The following PLEKHB1 variants were observed in gnomAD, a reference collection of about 807,000 sequenced individuals.
The protein encoded by PLEKHB1 is pleckstrin homology domain-containing family B member 1.
In PLEKHB1, 29 loss-of-function variants were observed where a neutral mutation model predicts 36.2. That is an observed-to-expected ratio of 0.80 (90% CI 0.60 to 1.09). PLEKHB1 has a LOEUF of 1.09. Ranked by LOEUF, PLEKHB1 falls within the 50% of genes least tolerant of loss-of-function variation. PLEKHB1 has a pLI of 0.00. For synonymous variants in PLEKHB1, 138 were observed against 140.0 expected (o/e 0.99, Z 0.10); for missense variants, 330 against 348.2 (o/e 0.95, Z 0.42).
At position 73,651,828 on chromosome 11, in the gene PLEKHB1, G is replaced by A; in HGVS notation, c.288G>A (p.Leu96=). 1 of 1,613,760 alleles carries A rather than the reference G, an allele frequency of 6.2e-7. No homozygotes were observed. The highest frequency in any genetic ancestry group is 8.5e-7 in the Non-Finnish European group (1 of 1,179,892). Reference sequence around the variant, plus strand: ...AGGGCCGGAGCCGAGATGGCCTGCTGACTGTGAACCTACGGGAAGGCGGCC... The same window carrying A: ...AGGGCCGGAGCCGAGATGGCCTGCTAACTGTGAACCTACGGGAAGGCGGCC... ...PPEGRSRDGL[L]TVNLREGGRL... is the part of the protein sequence containing the mutation. Residue 96 remains leucine (L), a synonymous_variant, in exon 4 of 8, where the codon CTG becomes CTA. Transcript: ENST00000354190.
In PLEKHB1 at chr11:73,656,053, C is replaced by G. The variant is rs1054577347; in HGVS notation, c.495+146C>G. 71 of 698,232 alleles carry G rather than the reference C, an allele frequency of 1.0e-4. 1 individual carries two copies. The African/African-American group carries it at 1.1e-3, about 11-fold the overall frequency. 43.3% of individuals were successfully genotyped at this position (698,232 alleles called of 1,614,324 possible). A position where few individuals can be genotyped will look rare whatever the true frequency, so the allele number is the denominator to read the frequency against. ...CACAAACCAGCTGCTCTGCTGTACCCTCTGTCCCCAGCCACACCAGACCTT... is the reference window on the plus strand; with the variant it reads ...CACAAACCAGCTGCTCTGCTGTACCGTCTGTCCCCAGCCACACCAGACCTT... On this transcript the variant is annotated intron_variant, in intron 6 of 7. Coordinates refer to ENST00000354190, the MANE Select transcript of PLEKHB1 (RefSeq NM_021200.3).
chr11:73,650,717 C>T lies in PLEKHB1; in HGVS notation c.247+12C>T. 1 of 1,590,608 alleles carries T rather than the reference C, an allele frequency of 6.3e-7. No homozygotes were observed. Among genetic ancestry groups the T allele is most frequent in the Non-Finnish European group, 8.6e-7 (1 of 1,168,100 alleles). On this transcript the variant is annotated intron_variant, in intron 3 of 7. Transcript: ENST00000354190. ...CCCAGAGTGCCATGGTGAGCAGAAG[C>T]CCCTTCCTCTGTGGCACCGTGACTG...
intron 3 of PLEKHB1, chr11:73,651,535 T>A: frequency 1.6e-6 from 1 of 635,032 alleles, no homozygotes; most frequent in Non-Finnish European, 2.9e-6. Flanking sequence ...ATCTCCACAT[T>A]CCTCCACCAA....
chr11:73,650,025 GACCC>G (rs1315210095), intron 2 of PLEKHB1, among the ~76,000 whole-genome samples: 1 of 152,102 alleles, frequency 6.6e-6, no homozygotes, highest in East Asian at 1.9e-4. Context: ...AACATGGTGA[GACCC>G]ACTGTCTCCA....
chr11:73,660,958 G>C, intron 7 of PLEKHB1, 106 bp downstream of exon 7: 1 of 1,063,212 alleles, frequency 9.4e-7, no homozygotes, highest in Non-Finnish European at 1.4e-6. Context: ...CTTTTAGCGT[G>C]CACGGATTTT....
At chr11:73,651,629 G>T in intron 3 of PLEKHB1, 159 bp from the exon 4 acceptor site, 1 of 672,214 alleles carries the variant, frequency 1.5e-6, no homozygotes, top group Non-Finnish European at 2.7e-6. Context: ...GGTTGGAAAC[G>T]TAGAGTGGAA....
At position 73,655,796 on chromosome 11, in the gene PLEKHB1, T is replaced by G; in HGVS notation, c.391-7T>G. 1 of 1,613,204 alleles carries G rather than the reference T, an allele frequency of 6.2e-7. No individual in the cohort carries two copies. The highest frequency in any genetic ancestry group is 1.3e-5 in the African/African-American group (1 of 74,998). ...TCCTCCTTCTTGGGTTTCTGTGGCT[T>G]GAGCAGGCCCCAGCTGGAGCCACCG... On this transcript the variant is annotated splice_region_variant and splice_polypyrimidine_tract_variant and intron_variant, in intron 5 of 7. Coordinates refer to ENST00000354190, the MANE Select transcript of PLEKHB1 (RefSeq NM_021200.3).
chr11:73,661,635 T>C lies in PLEKHB1; in HGVS notation c.*33T>C. 4 of 1,539,186 alleles carry C rather than the reference T, an allele frequency of 2.6e-6. No homozygotes were observed. In the South Asian group the frequency reaches 5.0e-5, roughly 19 times the overall value. On this transcript the variant is annotated 3_prime_UTR_variant, in exon 8 of 8. Transcript: ENST00000354190. This position sits in a 1 kb window ranked among gnomAD's most constrained non-coding sequence, Gnocchi z 4.6. The stretch of plus-strand genomic sequence containing the variant: ...GACTCGGAGCACTGACCCCTGCGCT[T>C]GGATTGCTAGACTCCTCTTCCTCCT...
chr11:73,655,988 C>A, intron 6 of PLEKHB1, 81 bp downstream of exon 6: 1 of 1,201,340 alleles, frequency 8.3e-7, no homozygotes, highest in Non-Finnish European at 1.2e-6. Flanking sequence ...CCATCCCTTC[C>A]CTGTGACAAA....
At chr11:73,652,565 TGTCCC>T (rs932949684) in intron 4 of PLEKHB1, 87 of 169,970 alleles carry the variant, frequency 5.1e-4, no homozygotes, top group African/African-American at 2.0e-3. Flanking sequence ...AAGGCCCCAT[TGTCCC>T]GTGTCTGCTG....
At position 73,660,776 on chromosome 11, in the gene PLEKHB1, AG is replaced by A. The variant is rs1945091415; in HGVS notation, c.520del (p.Asp174ThrfsTer29). ...IWVRVYSPYQ[D>X]YYEVVPPNAH... ...AGGTGCGCGTCTACAGCCCGTACCA[AG>A]ACTACTACGAGGTGGTGCCCCCCAA... is the stretch of plus-strand genomic sequence containing the variant. On this transcript the variant is annotated frameshift_variant, in exon 7 of 8. Coordinates refer to ENST00000354190, the MANE Select transcript of PLEKHB1 (RefSeq NM_021200.3). LOFTEE classifies it high-confidence loss of function. 1 of 1,600,076 alleles carries A rather than the reference AG, an allele frequency of 6.2e-7. No individual in the cohort carries two copies. Among genetic ancestry groups the A allele is most frequent in the Non-Finnish European group, 8.5e-7 (1 of 1,174,542 alleles).
chr11:73,651,013 T>A (rs2134802528), intron 3 of PLEKHB1, among the ~76,000 whole-genome samples: 1 of 147,806 alleles, frequency 6.8e-6, no homozygotes, highest in African/African-American at 2.5e-5. Context: ...AAAAAAAAAA[T>A]TGGTGAGATG....
rs991054306 is a variant in PLEKHB1, at chr11:73,661,367, G to A, written c.596-99G>A. 4 of 1,387,018 alleles carry A rather than the reference G, an allele frequency of 2.9e-6. No homozygotes were observed. The highest frequency in any genetic ancestry group is 1.4e-5 in the African/African-American group (1 of 69,878). 85.9% of individuals were successfully genotyped at this position (1,387,018 alleles called of 1,614,324 possible). The stretch of plus-strand genomic sequence containing the variant: ...TGGGGAGCAGGAGAGTGGGTTCGGC[G>A]CCTTACACTGGGTTGGGCTGGAGTG... On this transcript the variant is annotated intron_variant, in intron 7 of 7. Transcript: ENST00000354190. The surrounding 1 kb of genome is among the most constrained non-coding windows in gnomAD (Gnocchi z 4.6).
chr11:73,651,691 G>A (rs1011990012), intron 3 of PLEKHB1, 97 bp from the exon 4 acceptor site: 4 of 943,666 alleles, frequency 4.2e-6, no homozygotes, highest in Non-Finnish European at 6.6e-6. Context: ...CCAGTAAACA[G>A]AGCCCAGAGA....
intron 4 of PLEKHB1, 157 bp downstream of exon 4, chr11:73,652,047 G>C: frequency 1.6e-6 from 1 of 639,750 alleles, no homozygotes; most frequent in Admixed American, 2.7e-5. Context: ...GGATTTGAAG[G>C]GCTTGTGGTG....
chr11:73,654,514 T>C (rs1944956936), intron 5 of PLEKHB1, among the ~76,000 whole-genome samples: 1 of 152,166 alleles, frequency 6.6e-6, no homozygotes, highest in African/African-American at 2.4e-5. Flanking sequence ...TTGGTATTAT[T>C]AGTCCCATTT....
rs545480416 is a variant in PLEKHB1 at position 73,650,568 on chromosome 11, G to C, written c.110G>C (p.Arg37Pro). ...TATCGTACAGGCTCCATCCTCCGCC[G>C]CTGGAAGCGGAACTGGTTTGCCCTG... is the stretch of plus-strand genomic sequence containing the variant. ...WLWRQSSILR[R>P]WKRNWFALWL... The change falls in exon 3 of 8, where the codon CGC becomes CCC. Residue 37 changes from arginine (R) to proline (P), a missense_variant. Transcript: ENST00000354190. The C allele has an allele frequency of 1.9e-6, 3 of 1,611,738 alleles. No homozygotes were observed. Among genetic ancestry groups the C allele is most frequent in the Non-Finnish European group, 2.5e-6 (3 of 1,179,078 alleles).
Position 73,660,777 on chromosome 11 carries a change from G to C in PLEKHB1, c.520G>C (p.Asp174His), listed in dbSNP as rs1590804356. The part of the protein sequence containing the change: ...IWVRVYSPYQ[D>H]YYEVVPPNAH... ...GGTGCGCGTCTACAGCCCGTACCAA[G>C]ACTACTACGAGGTGGTGCCCCCCAA... is the stretch of plus-strand genomic sequence containing the variant. Residue 174 changes from aspartate to histidine, a missense_variant, in exon 7 of 8, where the codon GAC becomes CAC. Coordinates refer to ENST00000354190, the MANE Select transcript of PLEKHB1 (RefSeq NM_021200.3). 6.2e-7 allele frequency: 1 copy of C among 1,600,224 alleles called. No individual in the cohort carries two copies. The highest frequency in any genetic ancestry group is 8.5e-7 in the Non-Finnish European group (1 of 1,174,538).
chr11:73,658,105 G>A (rs143500631), intron 6 of PLEKHB1, among the ~76,000 whole-genome samples: 170 of 152,326 alleles, frequency 1.1e-3, no homozygotes, highest in African/African-American at 3.7e-3. Flanking sequence ...GGGAAACAAC[G>A]TGAAGACAGC....
Sources: gnomAD v4.1 joint callset for allele counts (sites outside exome capture counted in the v4.1 genomes callset) on GRCh38, gnomAD v4.1.1 for gene constraint, Gnocchi (gnomAD v3.1) non-coding constraint, MANE v1.5 for transcripts, NCBI Gene and HGNC (gene_info 2026-07-23, HGNC 2026-07-21) for gene names.